TENM4: variants seen among roughly 807,000 people sequenced by gnomAD.
The protein encoded by TENM4 is teneurin transmembrane protein 4.
TENM4 carries 82 observed loss-of-function variants against 243.3 expected under a neutral mutation model. The observed-to-expected ratio is 0.34, with a 90% CI of 0.28 to 0.40. The LOEUF is 0.40. Ranked by LOEUF, TENM4 falls within the 10% of genes least tolerant of loss-of-function variation. TENM4 has a pLI of 1.00. For synonymous variants in TENM4, 1,412 were observed against 1,456.3 expected (o/e 0.97, Z 0.69); for missense variants, 3,138 against 3,673.3 (o/e 0.85, Z 3.77).
Position 78,669,673 on chromosome 11 carries a change from G to A in TENM4, c.6672C>T (p.His2224=), listed in dbSNP as rs1474046749. The A allele has an allele frequency of 6.2e-7, 1 of 1,614,020 alleles. No individual in the cohort carries two copies. The highest frequency in any genetic ancestry group is 1.3e-5 in the African/African-American group (1 of 75,046). Residue 2224 remains histidine, a synonymous_variant, in exon 32 of 34, where the codon CAC becomes CAT. Coordinates refer to ENST00000278550, the MANE Select transcript of TENM4 (RefSeq NM_001098816.3). The surrounding 1 kb of genome is among the most constrained non-coding windows in gnomAD (Gnocchi z 6.4). Reference sequence around the variant, plus strand: ...GTGCACTGTTCCCAGGGCTCAGTAAGTGCAGGTTCCCATTGAGGTCGTAGC... The same window carrying A: ...GTGCACTGTTCCCAGGGCTCAGTAAATGCAGGTTCCCATTGAGGTCGTAGC... ...RYSYDLNGNL[H]LLSPGNSARL...
At chr11:79,226,592 A>G (rs1468996119) in intron 2 of TENM4, among the ~76,000 whole-genome samples, 3 of 152,204 alleles carry the variant, frequency 2.0e-5, no homozygotes, top group Non-Finnish European at 4.4e-5. Flanking sequence ...GACAGCCACC[A>G]TAGTATGAAT....
chr11:78,689,256 C>A (rs747437984), intron 28 of TENM4, among the ~76,000 whole-genome samples: 7 of 152,198 alleles, frequency 4.6e-5, no homozygotes, highest in Non-Finnish European at 1.0e-4. Context: ...CGTCCATTTG[C>A]AAGTATTCAA....
rs1184916246 is a variant in TENM4, at chr11:79,053,828, C to T, written c.493+10910G>A. Among the ~76,000 whole-genome samples the T allele has an allele frequency of 2.6e-5, 4 of 152,184 alleles. No individual in the cohort carries two copies. In the East Asian group the frequency reaches 7.7e-4, roughly 29 times the overall value. On this transcript the variant is annotated intron_variant, in intron 6 of 33. Coordinates refer to ENST00000278550, the MANE Select transcript of TENM4 (RefSeq NM_001098816.3). ...TCCTGGAGTCCCTCTTCATCCTTTG[C>T]TTCCTATGCTCCCTTCCAGACTGAA...
At chr11:79,040,159 T>C (rs536589936) in intron 6 of TENM4, among the ~76,000 whole-genome samples, 1 of 152,218 alleles carries the variant, frequency 6.6e-6, no homozygotes, top group East Asian at 1.9e-4. Context: ...GAGGACTGAG[T>C]GCAGACCCGG....
At chr11:78,708,958 T>C (rs1428172091) in intron 26 of TENM4, among the ~76,000 whole-genome samples, 3 of 125,938 alleles carry the variant, frequency 2.4e-5, no homozygotes, top group African/African-American at 4.0e-5. Context: ...TTCTTTTCTT[T>C]CTTTTTCTTT....
chr11:78,876,902 G>A (rs923332591), intron 9 of TENM4, among the ~76,000 whole-genome samples: 3 of 152,188 alleles, frequency 2.0e-5, no homozygotes, highest in African/African-American at 7.2e-5. Context: ...AAAATCTCCT[G>A]GTGATTCAGC....
At position 78,732,330 on chromosome 11, in the gene TENM4, C is replaced by T; in HGVS notation, c.3124G>A (p.Val1042Met). The T allele has an allele frequency of 6.2e-7, 1 of 1,604,442 alleles. No individual in the cohort carries two copies. Among genetic ancestry groups the T allele is most frequent in the Non-Finnish European group, 8.5e-7 (1 of 1,172,906 alleles). ...ASSCAEKGPIVPEIQALQEEI... is the reference protein window; with the variant it reads ...ASSCAEKGPIMPEIQALQEEI... ...AAGCTGGGTACCTGAATTTCCGGCA[C>T]AATGGGGCCTTTCTCTGCACAGGAG... Residue 1042 changes from valine (V) to methionine (M), a missense_variant, in exon 21 of 34, where the codon GTG (valine) becomes ATG (methionine). Physicochemically the swap from Val to Met is conservative, Grantham distance 21. Transcript: ENST00000278550.
intron 2 of TENM4, among the ~76,000 whole-genome samples, chr11:79,245,312 C>G (rs1281168436): frequency 6.6e-6 from 1 of 152,146 alleles, no homozygotes; most frequent in Non-Finnish European, 1.5e-5. Context: ...TTGTCAGAGC[C>G]CAGATTACAG....
In TENM4 at chr11:78,728,072, G is replaced by A. The variant is rs143286698; in HGVS notation, c.3406+1304C>T. Reference sequence around the variant, plus strand: ...AGTCACTTCCCTTTTTAACTGACTGGCGGGCACTAGAAGTGCTCATTTTTT... The same window carrying A: ...AGTCACTTCCCTTTTTAACTGACTGACGGGCACTAGAAGTGCTCATTTTTT... On this transcript the variant is annotated intron_variant, in intron 22 of 33. Transcript: ENST00000278550. 2.1e-3 allele frequency among the ~76,000 whole-genome samples: 315 copies of A among 152,284 alleles called. 1 individual carries two copies. Among genetic ancestry groups the A allele is most frequent in the African/African-American group, 7.3e-3 (303 of 41,552 alleles).
At chr11:79,166,971 G>C (rs1375145955) in intron 3 of TENM4, among the ~76,000 whole-genome samples, 1 of 152,232 alleles carries the variant, frequency 6.6e-6, no homozygotes, top group Non-Finnish European at 1.5e-5. Flanking sequence ...GTGGGCTATA[G>C]TTTCAGAAAT....
At chr11:78,846,386 C>T (rs1472547686) in intron 12 of TENM4, among the ~76,000 whole-genome samples, 2 of 152,224 alleles carry the variant, frequency 1.3e-5, no homozygotes, top group Non-Finnish European at 2.9e-5. Flanking sequence ...GAAAGCATGG[C>T]TATTTTACAT....
intron 6 of TENM4, among the ~76,000 whole-genome samples, chr11:79,053,460 C>G (rs1248461570): frequency 6.6e-6 from 1 of 152,176 alleles, no homozygotes; most frequent in Non-Finnish European, 1.5e-5. Context: ...AAGGCTGAAC[C>G]CTTGAGCCAG....
At chr11:79,041,246 T>G (rs887827533) in intron 6 of TENM4, among the ~76,000 whole-genome samples, 7 of 152,122 alleles carry the variant, frequency 4.6e-5, no homozygotes, top group Admixed American at 1.3e-4. Context: ...GTATTTTTAG[T>G]AGAGATGGGG....
intron 3 of TENM4, among the ~76,000 whole-genome samples, chr11:79,159,408 A>C (rs1233433356): frequency 6.6e-6 from 1 of 152,216 alleles, no homozygotes; most frequent in African/African-American, 2.4e-5. Context: ...CTAAGGATTA[A>C]ATTTAAAAAT....
chr11:79,106,139 T>A (rs1345680848), intron 4 of TENM4, among the ~76,000 whole-genome samples: 2 of 152,198 alleles, frequency 1.3e-5, no homozygotes, highest in Admixed American at 6.5e-5. Flanking sequence ...ACCAGGAAAC[T>A]GAAGCCCAGA....
At chr11:78,771,277 G>A (rs1591011474) in intron 17 of TENM4, 139 bp from the exon 18 acceptor site, 1 of 1,091,438 alleles carries the variant, frequency 9.2e-7, no homozygotes, top group Non-Finnish European at 1.3e-6. Context: ...CAGGGAGGTA[G>A]GTATCATTAG....
chr11:79,202,752 A>G (rs866733295), intron 3 of TENM4, among the ~76,000 whole-genome samples: 1 of 152,282 alleles, frequency 6.6e-6, no homozygotes, highest in African/African-American at 2.4e-5. Context: ...CTTTTCACTC[A>G]CACACAGCTT....
chr11:79,389,417 A>G (rs1459389745), intron 1 of TENM4, among the ~76,000 whole-genome samples: 1 of 152,248 alleles, frequency 6.6e-6, no homozygotes, highest in African/African-American at 2.4e-5. Flanking sequence ...TTGGCCTCCC[A>G]AAATGCTGGG....
intron 1 of TENM4, among the ~76,000 whole-genome samples, chr11:79,329,976 G>C (rs1447664703): frequency 1.3e-5 from 2 of 152,194 alleles, no homozygotes; most frequent in African/African-American, 2.4e-5. Context: ...TGAGAAGAGG[G>C]GAAAGTGGCA....
Sources: gnomAD v4.1 joint callset for allele counts (sites outside exome capture counted in the v4.1 genomes callset) on GRCh38, gnomAD v4.1.1 for gene constraint, Gnocchi (gnomAD v3.1) non-coding constraint, MANE v1.5 for transcripts, NCBI Gene and HGNC (gene_info 2026-07-23, HGNC 2026-07-21) for gene names.